Variants in FBXO27 observed in about 807,000 individuals in gnomAD.
FBXO27 encodes the protein F-box protein 27, also known as F-box only protein 27.
FBXO27 carries 28 observed loss-of-function variants against 28.3 expected under a neutral mutation model. That is an observed-to-expected ratio of 0.99 (90% CI 0.73 to 1.36). The LOEUF is 1.36. FBXO27 is among the 40% of genes most tolerant of loss of function. The pLI is 0.00. For missense variants in FBXO27, 388 were observed against 394.1 expected (o/e 0.98, Z 0.13); for synonymous variants, 175 against 167.3 (o/e 1.05, Z -0.36).
At chr19:39,019,199 C>T (rs1005882925), downstream of FBXO27, among the ~76,000 whole-genome samples, 5 of 151,216 alleles carry the variant, frequency 3.3e-5, no homozygotes, top group African/African-American at 1.2e-4. Flanking sequence ...CCAAGGTGGG[C>T]GGTCACGAGA....
At chr19:39,016,792 A>T (rs1600224188) in intron 1 of FBXO27, among the ~76,000 whole-genome samples, 1 of 152,120 alleles carries the variant, frequency 6.6e-6, no homozygotes, top group Non-Finnish European at 1.5e-5. Flanking sequence ...CAAAAAAAAA[A>T]GCATATTAAA....
chr19:39,024,380 T>C lies in FBXO27; in HGVS notation c.*1031A>G, dbSNP rs2072860572. On this transcript the variant is annotated 3_prime_UTR_variant, in exon 6 of 6. Transcript: ENST00000292853. ...CTTGGACTACAGGTGTGTACTACTG[T>C]ACCTGGCTAACTTTTGTATTTTTTG... The C allele has an allele frequency of 6.6e-6, 1 of 152,196 alleles. No individual in the cohort carries two copies. The highest frequency in any genetic ancestry group is 1.5e-5 in the Non-Finnish European group (1 of 68,122). The allele number at this position is 152,196 out of a possible 1,614,324, so 9.4% of individuals were successfully genotyped here.
chr19:39,015,371 C>CTGTA (rs1312002790), intron 1 of FBXO27, among the ~76,000 whole-genome samples: 1 of 143,324 alleles, frequency 7.0e-6, no homozygotes, highest in African/African-American at 2.6e-5. Context: ...TGGCTCATGC[C>CTGTA]TGTAATCCCA....
downstream of FBXO27, among the ~76,000 whole-genome samples, chr19:39,020,100 A>G (rs1364543088): frequency 6.6e-6 from 1 of 152,032 alleles, no homozygotes; most frequent in Non-Finnish European, 1.5e-5. Flanking sequence ...TTCTGGAAAA[A>G]ATGCCTCAAA....
At chr19:39,017,892 A>T (rs1444203354) in intron 1 of FBXO27, among the ~76,000 whole-genome samples, 1 of 152,176 alleles carries the variant, frequency 6.6e-6, no homozygotes, top group Non-Finnish European at 1.5e-5. Flanking sequence ...AGAAACTCCC[A>T]TGGATCCCAA....
At chr19:39,029,263 T>G (rs2072889440) in intron 4 of FBXO27, among the ~76,000 whole-genome samples, 1 of 150,070 alleles carries the variant, frequency 6.7e-6, no homozygotes, top group Non-Finnish European at 1.5e-5. Flanking sequence ...CCATCTCTAC[T>G]AAAAATAAAA....
At chr19:39,023,716 C>T (rs1194751612), downstream of FBXO27, among the ~76,000 whole-genome samples, 1 of 151,976 alleles carries the variant, frequency 6.6e-6, no homozygotes, top group Non-Finnish European at 1.5e-5. Flanking sequence ...CGGATTCAAA[C>T]GATTCTCCTA....
Position 39,032,136 on chromosome 19 carries a change from G to C in FBXO27, c.92C>G (p.Pro31Arg), listed in dbSNP as rs1021964250. 6 of 1,542,884 alleles carry C rather than the reference G, an allele frequency of 3.9e-6. No homozygotes were observed. Among genetic ancestry groups the C allele is most frequent in the Non-Finnish European group, 4.3e-6 (5 of 1,151,120 alleles). The stretch of plus-strand genomic sequence containing the variant: ...GCTCAGCACCACCAGAAGCAGCTCT[G>C]GGGGTAGTTGGCTCAGGTCCAGCGC... ...EEALDLSQLP[P>R]ELLLVVLSHV... is the part of the protein sequence containing the mutation. The change falls in exon 2 of 6, where the codon CCA becomes CGA. Residue 31 changes from proline (P) to arginine (R), a missense_variant. Coordinates refer to ENST00000292853, the MANE Select transcript of FBXO27 (RefSeq NM_178820.5). This position sits in a 1 kb window ranked among gnomAD's most constrained non-coding sequence, Gnocchi z 4.7.
intron 4 of FBXO27, chr19:39,030,808 A>G: frequency 1.7e-6 from 1 of 576,162 alleles, no homozygotes; most frequent in Non-Finnish European, 3.1e-6. Context: ...AGGTTTTGCC[A>G]TGCTGGTTGG....
At chr19:39,020,898 A>G (rs186033325), downstream of FBXO27, among the ~76,000 whole-genome samples, 695 of 151,728 alleles carry the variant, frequency 4.6e-3, 3 homozygotes, top group Non-Finnish European at 6.5e-3. Flanking sequence ...TCTGTCACCC[A>G]GGCTGGAGTG....
At chr19:39,018,073 C>T (rs374780513) in intron 1 of FBXO27, among the ~76,000 whole-genome samples, 6 of 152,226 alleles carry the variant, frequency 3.9e-5, no homozygotes, top group South Asian at 2.1e-4. Flanking sequence ...CTCCACCTCC[C>T]GGGTTCAAGC....
chr19:39,027,899 T>C (rs2072881821), intron 4 of FBXO27, among the ~76,000 whole-genome samples: 1 of 152,172 alleles, frequency 6.6e-6, no homozygotes, highest in Admixed American at 6.5e-5. Flanking sequence ...AGGATGGTCT[T>C]AGGGATTCCA....
intron 2 of FBXO27, among the ~76,000 whole-genome samples, chr19:39,010,642 G>C (rs479001): frequency 0.87 from 132,594 of 152,246 alleles, 57,879 homozygotes; most frequent in African/African-American, 0.93. Context: ...GTTATCCCCC[G>C]TCTCTTCCAT....
At chr19:39,008,830 G>A (rs1038039412) in intron 2 of FBXO27, among the ~76,000 whole-genome samples, 10 of 151,964 alleles carry the variant, frequency 6.6e-5, no homozygotes, top group South Asian at 2.1e-4. Flanking sequence ...TTTTTTGTAC[G>A]TTTGTTTTGA....
Position 39,032,507 on chromosome 19 carries a change from G to T in FBXO27, c.-31C>A, listed in dbSNP as rs1474880744. 1.8e-5 allele frequency: 7 copies of T among 385,696 alleles called. No homozygotes were observed. Among genetic ancestry groups the T allele is most frequent in the African/African-American group, 4.3e-5 (2 of 46,894 alleles). 23.9% of individuals were successfully genotyped at this position (385,696 alleles called of 1,614,324 possible). A position where few individuals can be genotyped will look rare whatever the true frequency, so the allele number is the denominator to read the frequency against. ...ACACCGCACCCCAAGTCCTACCCCG[G>T]GGCCTGGCGGCGCTCCTCGCCGGGA... is the stretch of plus-strand genomic sequence containing the variant. On this transcript the variant is annotated 5_prime_UTR_variant, in exon 1 of 6. Coordinates refer to ENST00000292853, the MANE Select transcript of FBXO27 (RefSeq NM_178820.5). This position sits in a 1 kb window ranked among gnomAD's most constrained non-coding sequence, Gnocchi z 4.7.
intron 1 of FBXO27, among the ~76,000 whole-genome samples, chr19:39,017,626 T>TACAGTGACCTGAGATTGAGCC (rs200450713): frequency 0.12 from 17,534 of 149,260 alleles, 1,154 homozygotes; most frequent in African/African-American, 0.15. Context: ...AGGTGGAGGT[T>TACAGTGACCTGAGATTGAGCC]ACTGCACTCC....
At chr19:39,006,640 CCTT>C (rs1328068332) in intron 2 of FBXO27, among the ~76,000 whole-genome samples, 1 of 152,040 alleles carries the variant, frequency 6.6e-6, no homozygotes, top group Non-Finnish European at 1.5e-5. Flanking sequence ...GTGGCTTCCT[CCTT>C]GTTTCTGTAT....
chr19:39,031,467 C>A, intron 2 of FBXO27, 147 bp from the exon 3 acceptor site: 1 of 702,612 alleles, frequency 1.4e-6, no homozygotes, highest in Non-Finnish European at 2.4e-6. Context: ...CTTCCCCTCC[C>A]ACCAGCTCAG....
chr19:39,016,782 C>CA (rs202094668), intron 1 of FBXO27, among the ~76,000 whole-genome samples: 13,151 of 138,914 alleles, frequency 0.095, 730 homozygotes, highest in Non-Finnish European at 0.13. Context: ...GAGAACGTCT[C>CA]AAAAAAAAAA....
Sources: allele counts gnomAD v4.1 joint callset (sites outside exome capture counted in the v4.1 genomes callset), GRCh38; gene constraint gnomAD v4.1.1; non-coding constraint Gnocchi (gnomAD v3.1); transcripts MANE v1.5; gene names NCBI Gene and HGNC (gene_info 2026-07-23, HGNC 2026-07-21).